The following PRKDC variants were observed in gnomAD, a reference collection of about 807,000 sequenced individuals.
The protein encoded by PRKDC is protein kinase, DNA-activated, catalytic subunit.
A neutral mutation model predicts 486.9 loss-of-function variants in PRKDC; 82 were observed. The ratio of observed to expected loss-of-function variants is 0.17; its 90% confidence interval spans 0.14 to 0.20. The LOEUF is 0.20. Ranked by LOEUF, PRKDC falls within the 10% of genes least tolerant of loss-of-function variation. The pLI is 1.00. For missense variants in PRKDC, 4,504 were observed against 5,038.2 expected (o/e 0.89, Z 3.21); for synonymous variants, 1,895 against 1,837.0 (o/e 1.03, Z -0.81).
chr8:47,898,602 A>C (rs1407049048), intron 28 of PRKDC, 33 bp from the exon 29 acceptor site: 3 of 1,255,284 alleles, frequency 2.4e-6, no homozygotes, highest in South Asian at 2.7e-5. Context: ...ATTTCCAAAG[A>C]AGGCATATAT....
chr8:47,955,234 G>A (rs1023509942), intron 4 of PRKDC, among the ~76,000 whole-genome samples: 6 of 149,416 alleles, frequency 4.0e-5, no homozygotes, highest in African/African-American at 1.2e-4. Context: ...AGGCCGAGGC[G>A]GGCGGATCAC....
chr8:47,774,598 T>C (rs973713160), intron 85 of PRKDC, among the ~76,000 whole-genome samples: 2 of 152,046 alleles, frequency 1.3e-5, no homozygotes, highest in African/African-American at 2.4e-5. Context: ...TTCTCCTGAG[T>C]GAATTCCTAG....
At chr8:47,862,669 A>G in intron 42 of PRKDC, 128 bp from the exon 43 acceptor site, 1 of 807,438 alleles carries the variant, frequency 1.2e-6, no homozygotes, top group Non-Finnish European at 1.9e-6. Context: ...TGCCAGGCAG[A>G]GTATTAGGCA....
Position 47,889,095 on chromosome 8 carries a change from A to T in PRKDC, c.4199T>A (p.Val1400Glu), listed in dbSNP as rs1269611443. Residue 1400 changes from valine to glutamate, a missense_variant, in exon 33 of 86, where the codon GTG becomes GAG. Around this residue, in one of 6 missense-constraint regions of PRKDC, gnomAD observed 1,969 missense variants for 2,068.9 expected, o/e 0.95. Coordinates refer to ENST00000314191, the MANE Select transcript of PRKDC (RefSeq NM_006904.7). ...QVMAHLPDVC[V>E]NLMKALKMSP... ...CATCTTTAGAGCTTTCATCAGATTC[A>T]CACAAACATCAGGAAGATGAGCCAT... is the stretch of plus-strand genomic sequence containing the variant. The T allele has an allele frequency of 1.2e-6, 2 of 1,613,876 alleles. No homozygotes were observed. The highest frequency in any genetic ancestry group is 2.2e-5 in the East Asian group (1 of 44,892).
chr8:47,782,620 C>A lies in PRKDC; in HGVS notation c.11176-22G>T, dbSNP rs8178242. The A allele has an allele frequency of 2.5e-3, 3,948 of 1,549,800 alleles. 95 individuals are homozygous for A. In the African/African-American group the frequency reaches 0.047, roughly 19 times the overall value. On this transcript the variant is annotated intron_variant, in intron 78 of 85. Transcript: ENST00000314191. The surrounding 1 kb of genome is among the most constrained non-coding windows in gnomAD (Gnocchi z 4.9). ...TCACCTTCAAAAATCAGAATGTCAT[C>A]TCAGGGCACAGGCTAGCCACGTGTC...
At chr8:47,783,831 C>T (rs1403464074) in intron 77 of PRKDC, 22 bp from the exon 78 acceptor site, 1 of 1,612,742 alleles carries the variant, frequency 6.2e-7, no homozygotes, top group South Asian at 1.1e-5. Context: ...CAGAACCTTG[C>T]TTAGGAACAG....
At chr8:47,840,788 A>G (rs1563761986) in intron 54 of PRKDC, among the ~76,000 whole-genome samples, 1 of 152,216 alleles carries the variant, frequency 6.6e-6, no homozygotes, top group Non-Finnish European at 1.5e-5. Flanking sequence ...AGTGAATGTA[A>G]GGATATTAGG....
intron 69 of PRKDC, among the ~76,000 whole-genome samples, chr8:47,806,251 G>A (rs1325616039): frequency 6.6e-6 from 1 of 152,130 alleles, no homozygotes; most frequent in Non-Finnish European, 1.5e-5. Flanking sequence ...CAGGGAACAT[G>A]TCTTTCCCCT....
chr8:47,930,720 G>T lies in PRKDC; in HGVS notation c.1844C>A (p.Ala615Asp). ...TSDPAANLHP[A>D]KPKDFSAFIN... ...GAAAGCCGAAAAATCTTTAGGTTTA[G>T]CTGGATGCAAGTTAGCCGCTGGATC... The change falls in exon 17 of 86, where the codon GCT becomes GAT. Residue 615 changes from alanine to aspartate, a missense_variant. Transcript: ENST00000314191. 6.3e-7 allele frequency: 1 copy of T among 1,590,822 alleles called. No individual in the cohort carries two copies. The highest frequency in any genetic ancestry group is 1.3e-5 in the African/African-American group (1 of 74,482).
chr8:47,922,326 G>T (rs1419570645), intron 21 of PRKDC, among the ~76,000 whole-genome samples: 2 of 152,028 alleles, frequency 1.3e-5, no homozygotes, highest in African/African-American at 4.8e-5. Context: ...AACGAAATTA[G>T]CCAGGTGCAG....
chr8:47,922,687 T>C lies in PRKDC; in HGVS notation c.2420-4304A>G, dbSNP rs562647544. Reference sequence around the variant, plus strand: ...AGACATTTTCATGTCTGGATCTCTTTCCAGAATTAGGACTGACCCCATAAA... The same window carrying C: ...AGACATTTTCATGTCTGGATCTCTTCCCAGAATTAGGACTGACCCCATAAA... On this transcript the variant is annotated intron_variant, in intron 21 of 85. Coordinates refer to ENST00000314191, the MANE Select transcript of PRKDC (RefSeq NM_006904.7). Among the ~76,000 whole-genome samples, 5 of 152,300 alleles carry C rather than the reference T, an allele frequency of 3.3e-5. No individual in the cohort carries two copies. In the South Asian group the frequency reaches 1.0e-3, roughly 32 times the overall value.
At chr8:47,934,513 T>C (rs950182008) in intron 14 of PRKDC, among the ~76,000 whole-genome samples, 9 of 152,060 alleles carry the variant, frequency 5.9e-5, no homozygotes, top group Non-Finnish European at 1.5e-5. Context: ...CCAGCCTGGG[T>C]GACAGAGCGA....
At position 47,832,584 on chromosome 8, in the gene PRKDC, A is replaced by G. The variant is rs2087911677; in HGVS notation, c.8153-658T>C. 2.0e-5 allele frequency among the ~76,000 whole-genome samples: 3 copies of G among 152,364 alleles called. No individual in the cohort carries two copies. The South Asian group carries it at 6.2e-4, about 32-fold the overall frequency. On this transcript the variant is annotated intron_variant, in intron 59 of 85. Coordinates refer to ENST00000314191, the MANE Select transcript of PRKDC (RefSeq NM_006904.7). Reference sequence around the variant, plus strand: ...TGGAAACTGAAACGTGTCATAACTTAAAAGCACAGGTTGAAAGATAAGGTT... The same window carrying G: ...TGGAAACTGAAACGTGTCATAACTTGAAAGCACAGGTTGAAAGATAAGGTT...
intron 40 of PRKDC, among the ~76,000 whole-genome samples, chr8:47,870,304 C>G (rs1374790307): frequency 6.6e-6 from 1 of 152,196 alleles, no homozygotes; most frequent in Admixed American, 6.5e-5. Context: ...CAGAGGTGCT[C>G]ATATTACCGT....
chr8:47,849,643 T>G (rs551484089), intron 52 of PRKDC, 140 bp from the exon 53 acceptor site: 6 of 975,302 alleles, frequency 6.2e-6, no homozygotes, highest in Non-Finnish European at 7.5e-6. Context: ...GATGGGACAG[T>G]AGGTGCTGGG....
intron 48 of PRKDC, 36 bp downstream of exon 48, chr8:47,858,480 T>C: frequency 7.1e-7 from 1 of 1,415,290 alleles, no homozygotes. Context: ...ACTTACAGAA[T>C]CTATTCAAAG....
chr8:47,820,986 T>A, intron 65 of PRKDC, 43 bp from the exon 66 acceptor site: 1 of 1,243,156 alleles, frequency 8.0e-7, no homozygotes, highest in Non-Finnish European at 1.1e-6. Context: ...GAAGGCCAAT[T>A]TGAGTATGTC....
intron 56 of PRKDC, 53 bp from the exon 57 acceptor site, chr8:47,837,472 G>A: frequency 7.1e-7 from 1 of 1,414,232 alleles, no homozygotes. Flanking sequence ...AAATGGGAAA[G>A]AATGTGCTGT....
Position 47,858,884 on chromosome 8 carries a change from T to C in PRKDC, c.6310A>G (p.Met2104Val), listed in dbSNP as rs1362683882. ...TGAGGCGGGCCCAGGCTTCTGTGCATGTGCTTGACCAGGGCCGTCAGGGGC... is the reference window on the plus strand; with the variant it reads ...TGAGGCGGGCCCAGGCTTCTGTGCACGTGCTTGACCAGGGCCGTCAGGGGC... ...MAPLTALVKHMHRSLGPPQGE... is the reference protein window; with the variant it reads ...MAPLTALVKHVHRSLGPPQGE... The change falls in exon 47 of 86, where the codon ATG (methionine) becomes GTG (valine). Residue 2104 changes from methionine (M) to valine (V), a missense_variant. This residue lies in a region of PRKDC where 1,592 missense variants were observed against 1,724.6 expected (regional missense o/e 0.92). Coordinates refer to ENST00000314191, the MANE Select transcript of PRKDC (RefSeq NM_006904.7). 6.8e-6 allele frequency: 11 copies of C among 1,613,784 alleles called. No individual in the cohort carries two copies. The highest frequency in any genetic ancestry group is 9.3e-6 in the Non-Finnish European group (11 of 1,179,882).
Sources: gnomAD v4.1 joint callset for allele counts (sites outside exome capture counted in the v4.1 genomes callset) on GRCh38, gnomAD v4.1.1 for gene constraint, gnomAD v4.1.1 regional missense constraint, Gnocchi (gnomAD v3.1) non-coding constraint, MANE v1.5 for transcripts, NCBI Gene and HGNC (gene_info 2026-07-23, HGNC 2026-07-21) for gene names.